GPC6: variants seen among roughly 807,000 people sequenced by gnomAD.
GPC6 encodes glypican 6, also known as glypican-6.
GPC6 carries 14 observed loss-of-function variants against 55.2 expected under a neutral mutation model. The ratio of observed to expected loss-of-function variants is 0.25; its 90% CI spans 0.17 to 0.40. GPC6 has a LOEUF of 0.40. Among genes scored for constraint, GPC6 ranks in the 10% least tolerant of loss-of-function variants. GPC6 has a pLI of 1.00. For missense variants in GPC6, 641 were observed against 708.5 expected (o/e 0.90, Z 1.08); for synonymous variants, 278 against 259.6 (o/e 1.07, Z -0.68).
intron 3 of GPC6, among the ~76,000 whole-genome samples, chr13:93,990,516 C>T (rs1350573645): frequency 1.3e-5 from 2 of 151,882 alleles, no homozygotes; most frequent in Admixed American, 6.6e-5. Context: ...ATTTGCATAT[C>T]GTTCAAAAGT....
At chr13:94,180,707 C>A (rs1888959582) in intron 4 of GPC6, among the ~76,000 whole-genome samples, 1 of 152,042 alleles carries the variant, frequency 6.6e-6, no homozygotes. Flanking sequence ...AAATAATCTA[C>A]TGGAAATGAA....
chr13:93,861,325 A>G (rs1359112633), intron 3 of GPC6, among the ~76,000 whole-genome samples: 2 of 151,468 alleles, frequency 1.3e-5, no homozygotes, highest in African/African-American at 4.8e-5. Context: ...TAAGACATTC[A>G]TTTCAAAATG....
At chr13:93,827,683 A>G (rs1345473172) in intron 2 of GPC6, among the ~76,000 whole-genome samples, 1 of 152,224 alleles carries the variant, frequency 6.6e-6, no homozygotes, top group Non-Finnish European at 1.5e-5. Flanking sequence ...CTCTTAGACA[A>G]CAATGTAAGC....
chr13:93,713,617 A>G (rs1347182832), intron 2 of GPC6, among the ~76,000 whole-genome samples: 1 of 151,660 alleles, frequency 6.6e-6, no homozygotes, highest in Non-Finnish European at 1.5e-5. Flanking sequence ...TACATACTTT[A>G]TGATTTTATG....
At chr13:93,505,387 G>A (rs1044349882) in intron 1 of GPC6, among the ~76,000 whole-genome samples, 2 of 151,940 alleles carry the variant, frequency 1.3e-5, no homozygotes, top group African/African-American at 2.4e-5. Flanking sequence ...CTTGTTTTAT[G>A]TGTGTTACTG....
chr13:94,177,638 G>T (rs1161854828), intron 4 of GPC6, among the ~76,000 whole-genome samples: 3 of 152,108 alleles, frequency 2.0e-5, no homozygotes, highest in Non-Finnish European at 4.4e-5. Flanking sequence ...GATGAAATAT[G>T]CACAAGCAAT....
At chr13:94,294,594 G>A (rs9524415) in intron 5 of GPC6, among the ~76,000 whole-genome samples, 2,369 of 152,038 alleles carry the variant, frequency 0.016, 31 homozygotes, top group East Asian at 0.036. Flanking sequence ...GAACATTATA[G>A]CCTTGATTAT....
chr13:93,580,944 GTGT>G lies in GPC6; in HGVS notation c.319+35525_319+35527del, dbSNP rs552409655. Among the ~76,000 whole-genome samples the G allele has an allele frequency of 1.9e-4, 29 of 152,082 alleles. No individual in the cohort carries two copies. In the South Asian group the frequency reaches 5.8e-3, roughly 31 times the overall value. On this transcript the variant is annotated intron_variant, in intron 2 of 8. Transcript: ENST00000377047. ...GCTTACCATATAATTAAATATAAAA[GTGT>G]TTTTTTTAATTACTTAAAGGAGCAA...
intron 4 of GPC6, among the ~76,000 whole-genome samples, chr13:94,050,035 A>G (rs1883885770): frequency 6.6e-6 from 1 of 152,018 alleles, no homozygotes; most frequent in Admixed American, 6.6e-5. Flanking sequence ...CACCTTCACC[A>G]TGATTGTGAG....
At chr13:93,345,966 T>C (rs1217875814) in intron 1 of GPC6, among the ~76,000 whole-genome samples, 2 of 152,194 alleles carry the variant, frequency 1.3e-5, no homozygotes, top group Non-Finnish European at 2.9e-5. Flanking sequence ...GTGGAATTTA[T>C]AAGAATGGAC....
chr13:93,769,415 A>G (rs1022268828), intron 2 of GPC6, among the ~76,000 whole-genome samples: 2 of 147,496 alleles, frequency 1.4e-5, no homozygotes, highest in Non-Finnish European at 3.0e-5. Context: ...ACAAGCTGTG[A>G]GTGGCTGCTG....
chr13:94,238,458 C>T (rs1184009105), intron 4 of GPC6, among the ~76,000 whole-genome samples: 1 of 152,054 alleles, frequency 6.6e-6, no homozygotes, highest in African/African-American at 2.4e-5. Flanking sequence ...TACATGGTCA[C>T]CATTGTCTTA....
chr13:93,870,859 A>G (rs1021131832), intron 3 of GPC6, among the ~76,000 whole-genome samples: 4 of 151,816 alleles, frequency 2.6e-5, no homozygotes, highest in Non-Finnish European at 5.9e-5. Context: ...GGCTCAATTG[A>G]TCCTCCTGCC....
intron 1 of GPC6, among the ~76,000 whole-genome samples, chr13:93,376,422 AAGTC>A (rs1318071316): frequency 6.6e-6 from 1 of 152,194 alleles, no homozygotes; most frequent in African/African-American, 2.4e-5. Flanking sequence ...TAGTGAAACA[AAGTC>A]AGGGTTTATA....
intron 2 of GPC6, among the ~76,000 whole-genome samples, chr13:93,626,592 A>G (rs1036105438): frequency 1.2e-4 from 19 of 152,184 alleles, no homozygotes; most frequent in African/African-American, 4.6e-4. Flanking sequence ...ACCTGAGGTC[A>G]GGAGTTCGAG....
intron 2 of GPC6, among the ~76,000 whole-genome samples, chr13:93,794,574 G>C (rs1344699658): frequency 6.6e-6 from 1 of 152,178 alleles, no homozygotes; most frequent in Admixed American, 6.5e-5. Context: ...ATTCTGGGGG[G>C]GAAAAAGAAA....
At chr13:93,371,103 C>T (rs1236093121) in intron 1 of GPC6, among the ~76,000 whole-genome samples, 2 of 152,090 alleles carry the variant, frequency 1.3e-5, no homozygotes, top group Non-Finnish European at 2.9e-5. Flanking sequence ...ATGTTGTATT[C>T]TGATTTTGAA....
At position 93,450,185 on chromosome 13, in the gene GPC6, T is replaced by A. The variant is rs371675316; in HGVS notation, c.161-95078T>A. On this transcript the variant is annotated intron_variant, in intron 1 of 8. Transcript: ENST00000377047. ...CCAGTTAGTAGCTTCTCAGACTTTA[T>A]GTTTGTGCATTTTTATCACAAGAGC... Among the ~76,000 whole-genome samples the A allele has an allele frequency of 1.6e-4, 25 of 152,334 alleles. No homozygotes were observed. In the South Asian group the frequency reaches 5.2e-3, roughly 32 times the overall value.
chr13:94,368,360 A>G (rs1879379235), intron 6 of GPC6, among the ~76,000 whole-genome samples: 1 of 152,116 alleles, frequency 6.6e-6, no homozygotes, highest in African/African-American at 2.4e-5. Context: ...ACTGCATTCA[A>G]CAGAACCCTG....
Sources: allele counts gnomAD v4.1 joint callset (sites outside exome capture counted in the v4.1 genomes callset), GRCh38; gene constraint gnomAD v4.1.1; transcripts MANE v1.5; gene names NCBI Gene and HGNC (gene_info 2026-07-23, HGNC 2026-07-21).